Variants in DHX30 observed in about 807,000 individuals in gnomAD.
DHX30 encodes the protein ATP-dependent RNA helicase DHX30.
Under a neutral mutation model 116.9 loss-of-function variants are expected in DHX30, and 4 were observed. The observed-to-expected ratio is 0.03, with a 90% CI of 0.02 to 0.08. The LOEUF (loss-of-function observed/expected upper bound fraction) is 0.08. DHX30 is among the 10% of genes least tolerant of loss of function. The pLI is 1.00. For missense variants in DHX30, 871 were observed against 1,595.1 expected, an observed-to-expected ratio of 0.55 and a Z score of 7.73; for synonymous variants, 697 against 651.7, an observed-to-expected ratio of 1.07 and a Z score of -1.06.
rs1054166230 is a variant in DHX30 at position 47,825,164 on chromosome 3, C to G, written c.125-2183C>G. ...GGCTTCTCTTCAAGCTGCGCCCACC[C>G]CGACCACACCAAGGAAGCCGCCGAG... is the stretch of plus-strand genomic sequence containing the variant. On this transcript the variant is annotated intron_variant, in intron 4 of 21. Transcript: ENST00000445061. 41 of 669,036 alleles carry G rather than the reference C, an allele frequency of 6.1e-5. No individual in the cohort carries two copies. The African/African-American group carries it at 6.9e-4, about 11-fold the overall frequency. The allele number at this position is 669,036 out of a possible 1,614,324, so 41.4% of individuals were successfully genotyped here.
chr3:47,828,463 CAAAA>C (rs541910100), intron 5 of DHX30, among the ~76,000 whole-genome samples: 6 of 52,172 alleles, frequency 1.2e-4, no homozygotes, highest in African/African-American at 1.4e-4. Context: ...CTGTCCCCCA[CAAAA>C]AAAAAAAAAA....
chr3:47,826,526 AC>A (rs2036562056), intron 4 of DHX30, among the ~76,000 whole-genome samples: 2 of 149,196 alleles, frequency 1.3e-5, no homozygotes, highest in Admixed American at 1.3e-4. Context: ...CCTCACTACA[AC>A]CTCCGCCTCC....
chr3:47,805,364 G>T lies in DHX30; in HGVS notation c.-84G>T. On this transcript the variant is annotated 5_prime_UTR_variant, in exon 2 of 22. Transcript: ENST00000445061. ...CTCGTGATGAGGAATAGCAAGGAGAGAATTCAGCTCCAGTTCAAAAGCCTA... is the reference window on the plus strand; with the variant it reads ...CTCGTGATGAGGAATAGCAAGGAGATAATTCAGCTCCAGTTCAAAAGCCTA... The T allele has an allele frequency of 2.5e-6, 1 of 399,112 alleles. No individual in the cohort carries two copies. Among genetic ancestry groups the T allele is most frequent in the Middle Eastern group, 6.3e-4 (1 of 1,588 alleles). The allele number at this position is 399,112 out of a possible 1,614,324, so 24.7% of individuals were successfully genotyped here.
intron 4 of DHX30, among the ~76,000 whole-genome samples, chr3:47,818,538 G>T (rs1445542530): frequency 6.6e-6 from 1 of 152,182 alleles, no homozygotes; most frequent in Non-Finnish European, 1.5e-5. Context: ...TGGAGGCTTT[G>T]GGAATACACA....
At chr3:47,820,198 C>T (rs759790659) in intron 4 of DHX30, among the ~76,000 whole-genome samples, 3 of 152,142 alleles carry the variant, frequency 2.0e-5, no homozygotes, top group Non-Finnish European at 2.9e-5. Flanking sequence ...CCTGTAATCC[C>T]AGCTACTTGG....
chr3:47,848,443 C>T lies in DHX30; in HGVS notation c.2494-26C>T, dbSNP rs764189061. On this transcript the variant is annotated intron_variant, in intron 15 of 21. Transcript: ENST00000445061. This position sits in a 1 kb window ranked among gnomAD's most constrained non-coding sequence, Gnocchi z 9.4. ...GGACCAGGCAGGTGGGAGGCAGGCT[C>T]ATGGCGGGCTCTGGCTCTGTCATAG... The T allele has an allele frequency of 1.5e-5, 24 of 1,613,852 alleles. No homozygotes were observed. The highest frequency in any genetic ancestry group is 3.4e-6 in the Non-Finnish European group (4 of 1,179,998).
intron 3 of DHX30, among the ~76,000 whole-genome samples, chr3:47,817,526 C>T (rs1165061412): frequency 6.6e-6 from 1 of 152,152 alleles, no homozygotes; most frequent in Admixed American, 6.6e-5. Context: ...AAGCTGGACC[C>T]ACATAGTCCA....
intron 3 of DHX30, among the ~76,000 whole-genome samples, chr3:47,817,745 A>G (rs1393289244): frequency 6.6e-6 from 1 of 152,214 alleles, no homozygotes; most frequent in Non-Finnish European, 1.5e-5. Context: ...AGAGAAGTAT[A>G]TAGGATGGGT....
Position 47,850,012 on chromosome 3 carries a change from A to G in DHX30, c.3477A>G (p.Ala1159=). The G allele has an allele frequency of 6.2e-7, 1 of 1,611,168 alleles. No individual in the cohort carries two copies. The highest frequency in any genetic ancestry group is 1.1e-5 in the South Asian group (1 of 90,874). ...GGAGCCTGCGCAGCGAGCTGGCTGC[A>G]CTTCCCCCCAGCGTACAGGAGGAGC... The part of the protein sequence containing the change: ...VERSLRSELA[A]LPPSVQEEHG... The change falls in exon 22 of 22, where the codon GCA becomes GCG. Residue 1159 remains alanine (A), a synonymous_variant. Transcript: ENST00000445061.
chr3:47,805,267 G>T, intron 1 of DHX30, 59 bp from the exon 2 acceptor site: 1 of 398,738 alleles, frequency 2.5e-6, no homozygotes, highest in South Asian at 1.3e-4. Context: ...ATGATGGTTG[G>T]AGCAACTTTC....
intron 19 of DHX30, 40 bp from the exon 20 acceptor site, chr3:47,849,411 C>G (rs766503148): frequency 1.9e-6 from 3 of 1,576,630 alleles, no homozygotes; most frequent in Non-Finnish European, 2.6e-6. Context: ...GTCTGCAGCT[C>G]CTTGCTCAGC....
rs373434449 is a variant in DHX30, at chr3:47,824,115, G to A, written c.125-3232G>A. ...CCTCCTGGGTTCAAGCGATTCTCCT[G>A]CCTCAGCCTCCCGAGTAGCTGGGAT... On this transcript the variant is annotated intron_variant, in intron 4 of 21. Coordinates refer to ENST00000445061, the MANE Select transcript of DHX30 (RefSeq NM_138615.3). Among the ~76,000 whole-genome samples the A allele has an allele frequency of 6.8e-5, 10 of 146,852 alleles. No individual in the cohort carries two copies. The East Asian group carries it at 1.0e-3, about 15-fold the overall frequency.
chr3:47,816,153 C>A (rs1261399694), intron 3 of DHX30: 1 of 979,312 alleles, frequency 1.0e-6, no homozygotes, highest in Non-Finnish European at 1.2e-6. Flanking sequence ...AAATCACATA[C>A]CTATAAAATA....
At chr3:47,845,953 A>C in intron 10 of DHX30, 101 bp downstream of exon 10, 2 of 1,500,492 alleles carry the variant, frequency 1.3e-6, no homozygotes, top group Non-Finnish European at 1.8e-6. Flanking sequence ...GTACCTCCCC[A>C]TTCTCTTCAC....
intron 9 of DHX30, 144 bp from the exon 10 acceptor site, chr3:47,845,556 C>A: frequency 1.2e-6 from 1 of 832,210 alleles, no homozygotes. Flanking sequence ...TTCATAATTT[C>A]TCCCTCCATC....
At chr3:47,837,397 G>A (rs897085773) in intron 6 of DHX30, among the ~76,000 whole-genome samples, 2 of 152,234 alleles carry the variant, frequency 1.3e-5, no homozygotes, top group African/African-American at 2.4e-5. Flanking sequence ...ACTGACAGCA[G>A]TAGTTTTTGG....
In DHX30 at chr3:47,850,066, G is replaced by C; in HGVS notation, c.3531G>C (p.Glu1177Asp). The C allele has an allele frequency of 6.3e-7, 1 of 1,597,562 alleles. No homozygotes were observed. Among genetic ancestry groups the C allele is most frequent in the Non-Finnish European group, 8.5e-7 (1 of 1,174,052 alleles). ...EHGQLLALLA[E>D]LLRGPCGSFD... ...GGCAGCTGCTTGCGCTACTGGCAGAGCTGCTGCGAGGACCCTGTGGCAGCT... is the reference window on the plus strand; with the variant it reads ...GGCAGCTGCTTGCGCTACTGGCAGACCTGCTGCGAGGACCCTGTGGCAGCT... The change falls in exon 22 of 22, where the codon GAG (glutamate) becomes GAC (aspartate). Residue 1177 changes from glutamate (E) to aspartate (D), a missense_variant. Transcript: ENST00000445061.
intron 6 of DHX30, among the ~76,000 whole-genome samples, chr3:47,833,555 A>AG (rs1553703224): frequency 8.2e-4 from 123 of 150,154 alleles, no homozygotes; most frequent in African/African-American, 2.9e-3. Flanking sequence ...AAAAAAAAAA[A>AG]AAAGAAAGAG....
chr3:47,828,019 C>G (rs992370125), intron 5 of DHX30, among the ~76,000 whole-genome samples: 1 of 151,958 alleles, frequency 6.6e-6, no homozygotes, highest in East Asian at 2.0e-4. Flanking sequence ...CCACCACACT[C>G]GTCTAATTTT....
Sources: gnomAD v4.1 joint callset for allele counts (sites outside exome capture counted in the v4.1 genomes callset) on GRCh38, gnomAD v4.1.1 for gene constraint, Gnocchi (gnomAD v3.1) non-coding constraint, MANE v1.5 for transcripts, NCBI Gene and HGNC (gene_info 2026-07-23, HGNC 2026-07-21) for gene names.